WWTR1: variants seen among roughly 807,000 people sequenced by gnomAD.
The protein encoded by WWTR1 is WW domain containing transcription regulator 1.
WWTR1 carries 13 observed loss-of-function variants against 40.1 expected under a neutral mutation model. The observed-to-expected ratio is 0.32, with a 90% CI of 0.21 to 0.52. The LOEUF is 0.52. WWTR1 is among the 20% of genes least tolerant of loss of function. The pLI, the probability that WWTR1 is intolerant of heterozygous loss-of-function variation, is 0.97. For missense variants in WWTR1, 436 were observed against 523.1 expected, an observed-to-expected ratio of 0.83 and a Z score of 1.63; for synonymous variants, 230 against 210.1, an observed-to-expected ratio of 1.09 and a Z score of -0.82.
intron 2 of WWTR1, chr3:149,576,125 T>C: frequency 2.2e-6 from 1 of 456,626 alleles, no homozygotes. Flanking sequence ...AAAGCCCAAA[T>C]TCCTGGCTCT....
intron 2 of WWTR1, among the ~76,000 whole-genome samples, chr3:149,664,979 C>T (rs576154621): frequency 6.6e-6 from 1 of 152,240 alleles, no homozygotes; most frequent in East Asian, 1.9e-4. Context: ...TTAATCTTAA[C>T]TTCAGTACCT....
chr3:149,697,090 T>C (rs1275790721), intron 1 of WWTR1, among the ~76,000 whole-genome samples: 9 of 152,244 alleles, frequency 5.9e-5, no homozygotes, highest in Non-Finnish European at 2.9e-5. Context: ...ATAGATGTTT[T>C]AGTTTATTTT....
intron 2 of WWTR1, among the ~76,000 whole-genome samples, chr3:149,622,074 C>T (rs1014776864): frequency 6.6e-6 from 1 of 152,122 alleles, no homozygotes; most frequent in Non-Finnish European, 1.5e-5. Flanking sequence ...TCACTGCATG[C>T]CCCCCAGTCT....
At chr3:149,556,897 AT>A (rs752427939) in intron 3 of WWTR1, among the ~76,000 whole-genome samples, 1 of 152,086 alleles carries the variant, frequency 6.6e-6, no homozygotes, top group South Asian at 2.1e-4. Context: ...ACAGTTCTGG[AT>A]TTTCTAAATG....
At chr3:149,701,113 C>T (rs1208989636) in intron 1 of WWTR1, among the ~76,000 whole-genome samples, 1 of 152,122 alleles carries the variant, frequency 6.6e-6, no homozygotes, top group Non-Finnish European at 1.5e-5. Context: ...CTCTTCTCCC[C>T]TGTCCTGATT....
chr3:149,579,953 A>G (rs923047057), intron 2 of WWTR1, among the ~76,000 whole-genome samples: 1 of 152,252 alleles, frequency 6.6e-6, no homozygotes, highest in Non-Finnish European at 1.5e-5. Context: ...GGGCCTGCCA[A>G]GTAAATCTGA....
intron 2 of WWTR1, among the ~76,000 whole-genome samples, chr3:149,613,188 C>T (rs770522055): frequency 6.6e-6 from 1 of 152,178 alleles, no homozygotes; most frequent in Non-Finnish European, 1.5e-5. Flanking sequence ...CCTCTTAAAA[C>T]CTGGGCAGTC....
At chr3:149,613,071 G>A (rs922509019) in intron 2 of WWTR1, among the ~76,000 whole-genome samples, 1 of 152,192 alleles carries the variant, frequency 6.6e-6, no homozygotes, top group Admixed American at 6.5e-5. Flanking sequence ...GCTGGCAGCA[G>A]AGCAGAGATG....
chr3:149,569,456 A>G (rs1361378042), intron 3 of WWTR1, among the ~76,000 whole-genome samples: 1 of 152,196 alleles, frequency 6.6e-6, no homozygotes, highest in Non-Finnish European at 1.5e-5. Flanking sequence ...CAAAGCACAG[A>G]CAAATAACTT....
At chr3:149,664,589 C>CTTT (rs71916474) in intron 2 of WWTR1, among the ~76,000 whole-genome samples, 1 of 139,836 alleles carries the variant, frequency 7.2e-6, no homozygotes. Context: ...AAGGCACTAT[C>CTTT]TTTTTTTTTT....
At chr3:149,547,780 A>G (rs1290605626) in intron 3 of WWTR1, among the ~76,000 whole-genome samples, 1 of 148,786 alleles carries the variant, frequency 6.7e-6, no homozygotes, top group Non-Finnish European at 1.5e-5. Flanking sequence ...TTAGATTCCC[A>G]TTTATCTTTT....
chr3:149,644,713 T>C (rs761671740), intron 2 of WWTR1, among the ~76,000 whole-genome samples: 3 of 152,168 alleles, frequency 2.0e-5, no homozygotes, highest in Non-Finnish European at 2.9e-5. Context: ...CATATATACA[T>C]ATATGCATAA....
chr3:149,567,411 C>T, intron 3 of WWTR1, among the ~76,000 whole-genome samples: 1 of 152,202 alleles, frequency 6.6e-6, no homozygotes, highest in Middle Eastern at 3.2e-3. Flanking sequence ...ACCTGACAGT[C>T]ACAAGCTTGC....
At chr3:149,533,903 T>C (rs1258863944) in intron 4 of WWTR1, among the ~76,000 whole-genome samples, 1 of 130,288 alleles carries the variant, frequency 7.7e-6, no homozygotes, top group Admixed American at 8.3e-5. Flanking sequence ...GCAGAGATAC[T>C]AGCTAAAAAT....
upstream of WWTR1, among the ~76,000 whole-genome samples, chr3:149,661,873 C>T (rs1206524379): frequency 1.3e-5 from 2 of 151,874 alleles, no homozygotes; most frequent in South Asian, 4.2e-4. Context: ...GCTGGGATTA[C>T]AGGCACCCAC....
chr3:149,606,164 A>G (rs966519381), intron 2 of WWTR1, among the ~76,000 whole-genome samples: 1 of 152,198 alleles, frequency 6.6e-6, no homozygotes, highest in African/African-American at 2.4e-5. Context: ...CTTCCTAGCT[A>G]CCAGAACTGT....
chr3:149,519,427 T>C lies in WWTR1; in HGVS notation c.*1378A>G, dbSNP rs1198590077. 4 of 152,208 alleles carry C rather than the reference T, an allele frequency of 2.6e-5. No individual in the cohort carries two copies. The highest frequency in any genetic ancestry group is 1.3e-4 in the Admixed American group (2 of 15,274). 9.4% of individuals were successfully genotyped at this position (152,208 alleles called of 1,614,324 possible). ...CTGCTTCATCCTTCAGTTTCATAGATAGAATTATTTTAAACACTTGAAATC... is the reference window on the plus strand; with the variant it reads ...CTGCTTCATCCTTCAGTTTCATAGACAGAATTATTTTAAACACTTGAAATC... On this transcript the variant is annotated 3_prime_UTR_variant, in exon 7 of 7. Transcript: ENST00000360632.
At chr3:149,591,164 G>A (rs1176446220) in intron 2 of WWTR1, among the ~76,000 whole-genome samples, 1 of 152,122 alleles carries the variant, frequency 6.6e-6, no homozygotes, top group Non-Finnish European at 1.5e-5. Flanking sequence ...ATACAAAGCG[G>A]AACGCCAACT....
chr3:149,599,561 G>A (rs1171576672), intron 2 of WWTR1, among the ~76,000 whole-genome samples: 1 of 152,150 alleles, frequency 6.6e-6, no homozygotes, highest in East Asian at 1.9e-4. Flanking sequence ...TGAAAAGAGG[G>A]GCCAGTCCTG....
Sources: gnomAD v4.1 joint callset for allele counts (sites outside exome capture counted in the v4.1 genomes callset) on GRCh38, gnomAD v4.1.1 for gene constraint, MANE v1.5 for transcripts, NCBI Gene and HGNC (gene_info 2026-07-23, HGNC 2026-07-21) for gene names.